Variants in ALOXE3 observed in about 807,000 individuals in gnomAD.
ALOXE3 encodes hydroperoxide isomerase ALOXE3.
In ALOXE3, 78 loss-of-function variants were observed where a neutral mutation model predicts 87.5. The observed-to-expected ratio is 0.89, with a 90% CI of 0.74 to 1.08. ALOXE3 has a LOEUF of 1.08. Among genes scored for constraint, ALOXE3 ranks in the 50% least tolerant of loss-of-function variants. The pLI is 0.00. For synonymous variants in ALOXE3, 363 were observed against 370.8 expected, an observed-to-expected ratio of 0.98 and a Z score of 0.24; for missense variants, 946 against 912.4, an observed-to-expected ratio of 1.04 and a Z score of -0.47.
In ALOXE3 at chr17:8,103,485, A is replaced by G; in HGVS notation, c.1794T>C (p.Phe598=). The change falls in exon 15 of 16, where the codon TTT becomes TTC. Residue 598 remains phenylalanine (F), a synonymous_variant. Coordinates refer to ENST00000448843, the MANE Select transcript of ALOXE3 (RefSeq NM_021628.3). ...ATGGAGCATTGGGCATCCAGGCCCCAAAGTCATGCTGTGGAGACCCCCATC... is the reference window on the plus strand; with the variant it reads ...ATGGAGCATTGGGCATCCAGGCCCCGAAGTCATGCTGTGGAGACCCCCATC... The part of the protein sequence containing the change: ...HAAVNSGQHD[F]GAWMPNAPSS... 1 of 1,614,086 alleles carries G rather than the reference A, an allele frequency of 6.2e-7. No homozygotes were observed. The highest frequency in any genetic ancestry group is 1.1e-5 in the South Asian group (1 of 91,074).
At position 8,096,751 on chromosome 17, in the gene ALOXE3, C is replaced by A. The variant is rs1379033842; in HGVS notation, c.2012G>T (p.Ser671Ile). The change falls in exon 16 of 16, where the codon AGC becomes ATC. Residue 671 changes from serine (S) to isoleucine (I), a missense_variant. By Grantham distance (142) the Ser-to-Ile change is moderately radical. Transcript: ENST00000448843. ...CAGGCGGCTCTGGAAGGCGGCGATG[C>A]TCCGCCTCGGGGCCTCCTCTGTGAA... Reference protein sequence around the residue: ...EHFTEEAPRRSIAAFQSRLAQ... With the variant: ...EHFTEEAPRRIIAAFQSRLAQ... The A allele has an allele frequency of 1.2e-6, 2 of 1,614,100 alleles. No homozygotes were observed. The highest frequency in any genetic ancestry group is 1.7e-5 in the Admixed American group (1 of 60,008).
Position 8,114,939 on chromosome 17 carries a change from T to A in ALOXE3, c.553A>T (p.Ser185Cys), listed in dbSNP as rs770633284. The A allele has an allele frequency of 1.2e-6, 2 of 1,614,040 alleles. No homozygotes were observed. The highest frequency in any genetic ancestry group is 1.7e-6 in the Non-Finnish European group (2 of 1,179,996). The change falls in exon 5 of 16, where the codon AGC (serine) becomes TGC (cysteine). Residue 185 changes from serine (S) to cysteine (C), a missense_variant and splice_region_variant. Ser to Cys is a moderately radical substitution (Grantham distance 112). Coordinates refer to ENST00000448843, the MANE Select transcript of ALOXE3 (RefSeq NM_021628.3). ...TCCTTCCCAAGCTTTAATCTTCACCTGTCACCCTGGTCTACACAAGTTGTC... is the reference window on the plus strand; with the variant it reads ...TCCTTCCCAAGCTTTAATCTTCACCAGTCACCCTGGTCTACACAAGTTGTC... ...KTTTCVDQGD[S>C]SGNRYLPGFP... is the part of the protein sequence containing the mutation.
Position 8,096,509 on chromosome 17 carries a change from A to G in ALOXE3, c.*118T>C. ...CTTGGCTGCAAAAGTCTCCATGTGCAGAAGAGAAGGTTCAGGTGAACTGAG... is the reference window on the plus strand; with the variant it reads ...CTTGGCTGCAAAAGTCTCCATGTGCGGAAGAGAAGGTTCAGGTGAACTGAG... On this transcript the variant is annotated 3_prime_UTR_variant, in exon 16 of 16. Transcript: ENST00000448843. The G allele has an allele frequency of 1.4e-6, 1 of 739,256 alleles. No homozygotes were observed. The allele number at this position is 739,256 out of a possible 1,614,324, so 45.8% of individuals were successfully genotyped here.
At chr17:8,112,849 T>C (rs1367058749) in intron 6 of ALOXE3, among the ~76,000 whole-genome samples, 1 of 152,076 alleles carries the variant, frequency 6.6e-6, no homozygotes, top group Non-Finnish European at 1.5e-5. Flanking sequence ...AGTGGCTGTT[T>C]AGAGACACAA....
chr17:8,117,742 A>G, intron 2 of ALOXE3, 102 bp downstream of exon 2: 5 of 1,539,422 alleles, frequency 3.2e-6, no homozygotes, highest in Non-Finnish European at 2.6e-6. Context: ...CAGGGCCGGT[A>G]TCCTGAGTTC....
chr17:8,105,766 A>G (rs1360134608), intron 13 of ALOXE3, among the ~76,000 whole-genome samples: 1 of 151,802 alleles, frequency 6.6e-6, no homozygotes. Flanking sequence ...AGGTAACTGG[A>G]TGCAGTGATG....
chr17:8,101,277 C>T (rs929695393), intron 15 of ALOXE3, among the ~76,000 whole-genome samples: 1 of 152,144 alleles, frequency 6.6e-6, no homozygotes, highest in African/African-American at 2.4e-5. Flanking sequence ...ATCCACCCAC[C>T]TCGGCCTCCC....
chr17:8,096,955 C>T (rs1978582510), intron 15 of ALOXE3, 149 bp from the exon 16 acceptor site: 1 of 911,134 alleles, frequency 1.1e-6, no homozygotes, highest in Non-Finnish European at 1.7e-6. Flanking sequence ...CAAACTGCCA[C>T]CCCATGATCC....
rs751705010 is a variant in ALOXE3 at position 8,099,022 on chromosome 17, C to CTTT, written c.1957-2219_1957-2217dup. ...TACGCCATCATGCCCGGCTAGTTTT[C>CTTT]TTTTTTTTTTTTTTTTTGGAGAGAC... On this transcript the variant is annotated intron_variant, in intron 15 of 15. Transcript: ENST00000448843. 1.7e-3 allele frequency among the ~76,000 whole-genome samples: 211 copies of CTTT among 126,692 alleles called. 3 individuals are homozygous for CTTT. Among genetic ancestry groups the CTTT allele is most frequent in the East Asian group, 3.7e-3 (16 of 4,366 alleles). 83.1% of individuals were successfully genotyped at this position (126,692 alleles called of 152,430 possible).
At chr17:8,104,250 G>A in intron 13 of ALOXE3, 35 bp from the exon 14 acceptor site, 1 of 1,525,992 alleles carries the variant, frequency 6.6e-7, no homozygotes, top group Non-Finnish European at 9.1e-7. Context: ...GGGTGTGGAT[G>A]GAAGGTACTG....
chr17:8,099,652 C>A (rs1165926932), intron 15 of ALOXE3, among the ~76,000 whole-genome samples: 3 of 147,662 alleles, frequency 2.0e-5, no homozygotes, highest in African/African-American at 7.5e-5. Flanking sequence ...CGGAGTGAGA[C>A]TCTGTCTCAA....
chr17:8,108,498 C>A lies in ALOXE3; in HGVS notation c.1654G>T (p.Ala552Ser). 1 of 1,613,434 alleles carries A rather than the reference C, an allele frequency of 6.2e-7. No individual in the cohort carries two copies. The highest frequency in any genetic ancestry group is 8.5e-7 in the Non-Finnish European group (1 of 1,179,638). The change falls in exon 13 of 16, where the codon GCT becomes TCT. Residue 552 changes from alanine (A) to serine (S), a missense_variant. Transcript: ENST00000448843. ...ELQAWTGEIF[A>S]QAFLGRESSG... is the part of the protein sequence containing the mutation. ...CTTTCCCGGCCCAGGAACGCCTGAG[C>A]AAAAATCTCGCCAGTCCAGGCCTGC...
chr17:8,114,646 A>G (rs1408034323), intron 5 of ALOXE3, 37 bp from the exon 6 acceptor site: 1 of 1,613,202 alleles, frequency 6.2e-7, no homozygotes, highest in Non-Finnish European at 8.5e-7. Context: ...GAAACCAGTC[A>G]GTGGGCCCTG....
intron 6 of ALOXE3, among the ~76,000 whole-genome samples, chr17:8,114,231 G>A (rs1285384213): frequency 2.0e-5 from 3 of 150,618 alleles, no homozygotes; most frequent in African/African-American, 7.3e-5. Flanking sequence ...AATCATGAAA[G>A]CAGAGGCTGA....
chr17:8,100,797 C>A lies in ALOXE3; in HGVS notation c.1956+2526G>T, dbSNP rs114245443. On this transcript the variant is annotated intron_variant, in intron 15 of 15. Coordinates refer to ENST00000448843, the MANE Select transcript of ALOXE3 (RefSeq NM_021628.3). Reference sequence around the variant, plus strand: ...TTGCACCTGGCTTAATACTTGATTTCTAAAACTGTAGTATAGCCATCAAAA... The same window carrying A: ...TTGCACCTGGCTTAATACTTGATTTATAAAACTGTAGTATAGCCATCAAAA... Among the ~76,000 whole-genome samples, 1,242 of 151,990 alleles carry A rather than the reference C, an allele frequency of 8.2e-3. 18 individuals are homozygous for A. The highest frequency in any genetic ancestry group is 0.028 in the African/African-American group (1,175 of 41,442).
rs1338318325 is a variant in ALOXE3 at position 8,112,104 on chromosome 17, G to C, written c.773C>G (p.Thr258Ser). 7 of 1,614,064 alleles carry C rather than the reference G, an allele frequency of 4.3e-6. No homozygotes were observed. Among genetic ancestry groups the C allele is most frequent in the Non-Finnish European group, 5.9e-6 (7 of 1,179,916 alleles). Residue 258 changes from threonine to serine, a missense_variant, in exon 7 of 16, where the codon ACC becomes AGC. Coordinates refer to ENST00000448843, the MANE Select transcript of ALOXE3 (RefSeq NM_021628.3). The part of the protein sequence containing the change: ...DMQNIFWCHK[T>S]FTTKYVTEHW... ...CTGGCTCTGCTCACTTGTCGTGAAG[G>C]TCTTATGGCACCAGAAGATGTTCTG...
intron 6 of ALOXE3, 42 bp from the exon 7 acceptor site, chr17:8,112,238 G>C (rs369280111): frequency 7.4e-6 from 11 of 1,476,854 alleles, no homozygotes; most frequent in African/African-American, 6.9e-5. Context: ...CTGGGGGCTA[G>C]AGTCTGCTGG....
At position 8,110,098 on chromosome 17, in the gene ALOXE3, G is replaced by GAC; in HGVS notation, c.1298_1299insGT (p.Ile433MetfsTer16). 1 of 1,612,766 alleles carries GAC rather than the reference G, an allele frequency of 6.2e-7. No homozygotes were observed. The highest frequency in any genetic ancestry group is 1.1e-5 in the South Asian group (1 of 90,930). On this transcript the variant is annotated frameshift_variant, in exon 10 of 16. Coordinates refer to ENST00000448843, the MANE Select transcript of ALOXE3 (RefSeq NM_021628.3). LOFTEE classifies it high-confidence loss of function. ...CCCACCCGGGGTCGCGGACCTTGTA[G>GAC]ATGGGGTGGCAGAGCGGCAGCTGGC...
chr17:8,118,544 G>T (rs116802274), upstream of ALOXE3: 20 of 1,528,462 alleles, frequency 1.3e-5, 3 homozygotes, highest in South Asian at 2.0e-4. Flanking sequence ...AGTTGCACTT[G>T]GTCATAAATC....
Sources: allele counts gnomAD v4.1 joint callset (sites outside exome capture counted in the v4.1 genomes callset), GRCh38; gene constraint gnomAD v4.1.1; transcripts MANE v1.5; gene names NCBI Gene and HGNC (gene_info 2026-07-23, HGNC 2026-07-21).